UGT2A2: variants seen among roughly 807,000 people sequenced by gnomAD.
UGT2A2 encodes the protein UDP-glucuronosyltransferase 2A2.
Under a neutral mutation model 50.7 loss-of-function variants are expected in UGT2A2, and 60 were observed. The observed-to-expected ratio is 1.18, with a 90% CI of 0.96 to 1.47. The LOEUF is 1.47. UGT2A2 is among the 40% of genes most tolerant of loss of function. The probability of loss-of-function intolerance (pLI) is 0.00; values close to 1 mark genes in which losing one functional copy is unlikely to be tolerated. For missense variants in UGT2A2, 762 were observed against 634.0 expected, an observed-to-expected ratio of 1.20 and a Z score of -2.17; for synonymous variants, 242 against 214.6, an observed-to-expected ratio of 1.13 and a Z score of -1.11.
intron 1 of UGT2A2, among the ~76,000 whole-genome samples, chr4:69,622,790 A>C (rs1720826092): frequency 6.6e-6 from 1 of 151,798 alleles, no homozygotes; most frequent in Admixed American, 6.6e-5. Context: ...ACAGGAATAT[A>C]GACGTTCAAG....
At chr4:69,611,892 G>A (rs149893406) in intron 1 of UGT2A2, among the ~76,000 whole-genome samples, 1 of 152,134 alleles carries the variant, frequency 6.6e-6, no homozygotes, top group African/African-American at 2.4e-5. Context: ...ATTCACATAA[G>A]TTCAACTCCC....
intron 1 of UGT2A2, among the ~76,000 whole-genome samples, chr4:69,615,668 T>A (rs553942723): frequency 9.2e-5 from 14 of 151,734 alleles, no homozygotes; most frequent in South Asian, 2.1e-4. Flanking sequence ...TGAGATATCA[T>A]CTGAGCCCAG....
intron 1 of UGT2A2, among the ~76,000 whole-genome samples, chr4:69,613,671 A>G (rs551392882): frequency 6.6e-6 from 1 of 152,180 alleles, no homozygotes; most frequent in Non-Finnish European, 1.5e-5. Context: ...ATTTTTCAAC[A>G]TATGCAAATC....
chr4:69,625,336 T>C (rs1288024199), intron 1 of UGT2A2, among the ~76,000 whole-genome samples: 17 of 151,110 alleles, frequency 1.1e-4, no homozygotes, highest in Admixed American at 1.1e-3. Context: ...TTCACCAAAT[T>C]TGAAAAATTT....
chr4:69,603,762 T>A (rs992685701), intron 1 of UGT2A2: 1 of 136,016 alleles, frequency 7.4e-6, no homozygotes, highest in Non-Finnish European at 1.6e-5. Context: ...AAGAACTACG[T>A]GACAAATGCA....
intron 1 of UGT2A2, among the ~76,000 whole-genome samples, chr4:69,620,372 C>T (rs1452414354): frequency 1.5e-5 from 2 of 132,028 alleles, no homozygotes; most frequent in Non-Finnish European, 3.4e-5. Context: ...AAGGCAATCC[C>T]ATTCACAATT....
chr4:69,595,401 G>GTACCTT (rs1718865228), intron 3 of UGT2A2, 152 bp from the exon 4 acceptor site: 1 of 796,380 alleles, frequency 1.3e-6, no homozygotes, highest in African/African-American at 1.7e-5. Context: ...TAGTAGGACT[G>GTACCTT]TTTATATGTA....
chr4:69,608,881 A>C lies in UGT2A2; in HGVS notation c.743-9487T>G, dbSNP rs576949830. On this transcript the variant is annotated intron_variant, in intron 1 of 5. Coordinates refer to ENST00000604629, the MANE Select transcript of UGT2A2 (RefSeq NM_001105677.2). The stretch of plus-strand genomic sequence containing the variant: ...CAGTAATTTTTGTAAAAAATAAATA[A>C]TTTTAAACAAATTTATATGTTTAAA... 1.5e-4 allele frequency among the ~76,000 whole-genome samples: 23 copies of C among 152,196 alleles called. No homozygotes were observed. The South Asian group carries it at 2.9e-3, about 19-fold the overall frequency.
At chr4:69,608,525 T>G (rs1382632402) in intron 1 of UGT2A2, among the ~76,000 whole-genome samples, 1 of 151,226 alleles carries the variant, frequency 6.6e-6, no homozygotes, top group Non-Finnish European at 1.5e-5. Context: ...GTAACTAACC[T>G]GCACGTTGTG....
chr4:69,599,519 C>T, intron 1 of UGT2A2, 125 bp from the exon 2 acceptor site: 1 of 1,338,790 alleles, frequency 7.5e-7, no homozygotes. Context: ...TTCTAGAATA[C>T]TTATCATGTT....
At chr4:69,603,000 G>A (rs1719388799) in intron 1 of UGT2A2, among the ~76,000 whole-genome samples, 1 of 135,202 alleles carries the variant, frequency 7.4e-6, no homozygotes, top group Non-Finnish European at 1.6e-5. Context: ...CCGGGAGGAG[G>A]AGGTTGCAGT....
rs760810523 is a variant in UGT2A2 at position 69,639,272 on chromosome 4, A to C, written c.369T>G (p.Leu123=). ...TGTTAATTTGAAAGAAAGTGTCTAGAAGTTTTCCTAGTTCTTTGTAGAAAG... is the reference window on the plus strand; with the variant it reads ...TGTTAATTTGAAAGAAAGTGTCTAGCAGTTTTCCTAGTTCTTTGTAGAAAG... ...IWAFYKELGK[L]LDTFFQINIQ... The change falls in exon 1 of 6, where the codon CTT becomes CTG. Residue 123 remains leucine (L), a synonymous_variant. Transcript: ENST00000604629. 17 of 1,613,702 alleles carry C rather than the reference A, an allele frequency of 1.1e-5. No individual in the cohort carries two copies. Among genetic ancestry groups the C allele is most frequent in the Non-Finnish European group, 1.3e-5 (15 of 1,179,734 alleles).
At chr4:69,606,807 G>A (rs1171799924) in intron 1 of UGT2A2, among the ~76,000 whole-genome samples, 1 of 136,450 alleles carries the variant, frequency 7.3e-6, no homozygotes, top group Non-Finnish European at 1.6e-5. Context: ...AATCACGAGT[G>A]AGCTCCCATT....
At chr4:69,602,007 T>C (rs1323131385) in intron 1 of UGT2A2, among the ~76,000 whole-genome samples, 1 of 136,916 alleles carries the variant, frequency 7.3e-6, no homozygotes, top group Non-Finnish European at 1.6e-5. Context: ...ATTATTGAAA[T>C]AGAAATCAAA....
At position 69,595,212 on chromosome 4, in the gene UGT2A2, A is replaced by G; in HGVS notation, c.1061T>C (p.Leu354Ser). ...ATCAAAGAGCTGAGTATTGTTTCCTAATGTGGCTGGTTTCTTTCCTTTGTA... is the reference window on the plus strand; with the variant it reads ...ATCAAAGAGCTGAGTATTGTTTCCTGATGTGGCTGGTTTCTTTCCTTTGTA... Reference protein sequence around the residue: ...WRYKGKKPATLGNNTQLFDWI... With the variant: ...WRYKGKKPATSGNNTQLFDWI... Residue 354 changes from leucine to serine, a missense_variant, in exon 4 of 6, where the codon TTA becomes TCA. Leu to Ser is a moderately radical substitution (Grantham distance 145). Coordinates refer to ENST00000604629, the MANE Select transcript of UGT2A2 (RefSeq NM_001105677.2). 1 of 1,613,820 alleles carries G rather than the reference A, an allele frequency of 6.2e-7. No homozygotes were observed. Among genetic ancestry groups the G allele is most frequent in the Non-Finnish European group, 8.5e-7 (1 of 1,179,856 alleles).
chr4:69,594,421 G>A (rs1326485733), intron 5 of UGT2A2, 56 bp downstream of exon 5: 2 of 1,574,318 alleles, frequency 1.3e-6, no homozygotes, highest in East Asian at 4.5e-5. Context: ...ACATTTTCTG[G>A]TATTATGAAT....
chr4:69,607,794 A>G (rs1000844392), intron 1 of UGT2A2, among the ~76,000 whole-genome samples: 1 of 152,248 alleles, frequency 6.6e-6, no homozygotes, highest in Non-Finnish European at 1.5e-5. Context: ...GAAGACATTT[A>G]TGCAGCCAAA....
rs4148304 is a variant in UGT2A2 at position 69,594,610 on chromosome 4, C to G, written c.1198G>C (p.Val400Leu). The G allele has an allele frequency of 6.2e-6, 10 of 1,613,918 alleles. No individual in the cohort carries two copies. Among genetic ancestry groups the G allele is most frequent in the Non-Finnish European group, 7.6e-6 (9 of 1,180,002 alleles). ...AIYHGVPMVG[V>L]PMFADQPDNI... ...TCAGGCTGATCAGCAAACATGGGAA[C>G]TCCCACCATAGGGACTCCGTGGTAA... Residue 400 changes from valine to leucine, a missense_variant, in exon 5 of 6, where the codon GTT becomes CTT. Transcript: ENST00000604629.
At chr4:69,633,852 T>C (rs917612877) in intron 1 of UGT2A2, among the ~76,000 whole-genome samples, 1 of 152,102 alleles carries the variant, frequency 6.6e-6, no homozygotes, top group African/African-American at 2.4e-5. Flanking sequence ...CATGTTTTGT[T>C]TATTAATTTG....
Sources: gnomAD v4.1 joint callset for allele counts (sites outside exome capture counted in the v4.1 genomes callset) on GRCh38, gnomAD v4.1.1 for gene constraint, MANE v1.5 for transcripts, NCBI Gene and HGNC (gene_info 2026-07-23, HGNC 2026-07-21) for gene names.